Variants in ZBTB20 observed in about 807,000 individuals in gnomAD.
ZBTB20 encodes the protein zinc finger and BTB domain-containing protein 20.
A neutral mutation model predicts 56.9 loss-of-function variants in ZBTB20; 9 were observed. That is an observed-to-expected ratio of 0.16 (90% CI 0.10 to 0.28). The LOEUF is 0.28. Ranked by LOEUF, ZBTB20 falls within the 10% of genes least tolerant of loss-of-function variation. ZBTB20 has a pLI of 1.00. For missense variants in ZBTB20, 655 were observed against 1,003.0 expected, an observed-to-expected ratio of 0.65 and a Z score of 4.69; for synonymous variants, 417 against 420.7, an observed-to-expected ratio of 0.99 and a Z score of 0.11.
At chr3:114,394,760 C>G (rs1450417750) in intron 7 of ZBTB20, among the ~76,000 whole-genome samples, 1 of 152,174 alleles carries the variant, frequency 6.6e-6, no homozygotes, top group Non-Finnish European at 1.5e-5. Flanking sequence ...AGCCAAATAA[C>G]TTGGCTAACA....
At chr3:114,586,989 C>CTTTTTTTTTT in intron 6 of ZBTB20, among the ~76,000 whole-genome samples, 1 of 76,978 alleles carries the variant, frequency 1.3e-5, no homozygotes, top group Non-Finnish European at 2.4e-5. Flanking sequence ...GTATAACTCC[C>CTTTTTTTTTT]TTTTTTTTTT....
chr3:115,101,214 A>G (rs1162448124), intron 1 of ZBTB20, among the ~76,000 whole-genome samples: 1 of 152,244 alleles, frequency 6.6e-6, no homozygotes, highest in African/African-American at 2.4e-5. Context: ...TATTTCATAG[A>G]ATATGGGACT....
chr3:114,787,496 A>T (rs1170705853), intron 5 of ZBTB20, among the ~76,000 whole-genome samples: 3 of 151,412 alleles, frequency 2.0e-5, no homozygotes, highest in African/African-American at 7.3e-5. Context: ...GTATACATAT[A>T]TATCCATTTA....
intron 3 of ZBTB20, among the ~76,000 whole-genome samples, chr3:114,938,573 C>G (rs1268920116): frequency 6.9e-6 from 1 of 145,950 alleles, no homozygotes; most frequent in Non-Finnish European, 1.5e-5. Flanking sequence ...AACACAGGAA[C>G]AGAAAACCAA....
chr3:114,965,372 T>C (rs541988092), intron 3 of ZBTB20, among the ~76,000 whole-genome samples: 1 of 152,308 alleles, frequency 6.6e-6, no homozygotes, highest in Admixed American at 6.5e-5. Flanking sequence ...TTACACAATG[T>C]ACAACATATC....
intron 1 of ZBTB20, among the ~76,000 whole-genome samples, chr3:115,109,370 G>GT (rs2083810795): frequency 6.6e-6 from 1 of 152,086 alleles, no homozygotes; most frequent in Non-Finnish European, 1.5e-5. Flanking sequence ...GTTTGACCTG[G>GT]TGCGGCTATA....
chr3:114,338,856 T>C lies in ZBTB20; in HGVS notation c.*149A>G. ...CCAGCAGGCAAAAAACAGTTCTTCATGTAGTACAAAATGAAACGAAACAAA... is the reference window on the plus strand; with the variant it reads ...CCAGCAGGCAAAAAACAGTTCTTCACGTAGTACAAAATGAAACGAAACAAA... On this transcript the variant is annotated 3_prime_UTR_variant, in exon 12 of 12. Coordinates refer to ENST00000675478, the MANE Select transcript of ZBTB20 (RefSeq NM_001348800.3). 1.1e-6 allele frequency: 1 copy of C among 884,586 alleles called. No individual in the cohort carries two copies. The highest frequency in any genetic ancestry group is 1.6e-6 in the Non-Finnish European group (1 of 615,858). 54.8% of individuals were successfully genotyped at this position (884,586 alleles called of 1,614,324 possible).
chr3:114,871,468 C>T (rs959398852), intron 4 of ZBTB20, among the ~76,000 whole-genome samples: 3 of 151,992 alleles, frequency 2.0e-5, no homozygotes, highest in African/African-American at 4.8e-5. Flanking sequence ...TTTCATCTTC[C>T]CAAATGCCCT....
intron 6 of ZBTB20, among the ~76,000 whole-genome samples, chr3:114,679,870 A>C (rs1248745811): frequency 6.6e-6 from 1 of 152,210 alleles, no homozygotes; most frequent in Non-Finnish European, 1.5e-5. Flanking sequence ...ACAATGTCAA[A>C]AACTTGGAAC....
chr3:115,029,967 A>G (rs1426858777), intron 2 of ZBTB20, among the ~76,000 whole-genome samples: 1 of 151,112 alleles, frequency 6.6e-6, no homozygotes, highest in Non-Finnish European at 1.5e-5. Context: ...AAGGCAAACA[A>G]TAAATTTAGA....
intron 5 of ZBTB20, among the ~76,000 whole-genome samples, chr3:114,785,671 T>G (rs1410460945): frequency 1.3e-5 from 2 of 152,196 alleles, no homozygotes; most frequent in Admixed American, 1.3e-4. Flanking sequence ...TTTTACACAT[T>G]TAATATGTAC....
chr3:114,564,180 C>T (rs1038605040), intron 6 of ZBTB20, among the ~76,000 whole-genome samples: 6 of 152,128 alleles, frequency 3.9e-5, no homozygotes, highest in African/African-American at 1.2e-4. Flanking sequence ...ATCCTCCTGC[C>T]TGCCTCTTTC....
intron 3 of ZBTB20, among the ~76,000 whole-genome samples, chr3:114,960,651 C>T (rs992526539): frequency 2.0e-5 from 3 of 152,110 alleles, no homozygotes; most frequent in African/African-American, 7.2e-5. Context: ...AATATGGTCC[C>T]TAAACAAGAA....
intron 7 of ZBTB20, among the ~76,000 whole-genome samples, chr3:114,487,945 G>T (rs2109457653): frequency 6.6e-6 from 1 of 152,290 alleles, no homozygotes; most frequent in East Asian, 1.9e-4. Context: ...TCCTGCCCTG[G>T]AGACATGGAT....
At chr3:115,052,229 C>G (rs530779917) in intron 2 of ZBTB20, among the ~76,000 whole-genome samples, 14 of 152,020 alleles carry the variant, frequency 9.2e-5, no homozygotes, top group Admixed American at 2.6e-4. Context: ...GAGGTGGAGG[C>G]GGGCAGATCA....
chr3:114,547,594 A>G (rs2050047684), intron 6 of ZBTB20, among the ~76,000 whole-genome samples: 1 of 152,222 alleles, frequency 6.6e-6, no homozygotes, highest in Non-Finnish European at 1.5e-5. Flanking sequence ...TCAGTGGTAG[A>G]GCATCCCAAT....
chr3:114,726,697 G>T (rs897196864), intron 5 of ZBTB20, among the ~76,000 whole-genome samples: 8 of 151,958 alleles, frequency 5.3e-5, no homozygotes, highest in African/African-American at 1.9e-4. Context: ...CGGATCACGA[G>T]GTCAGGAAAT....
chr3:114,451,118 T>C (rs560468294), intron 7 of ZBTB20, among the ~76,000 whole-genome samples: 2 of 151,902 alleles, frequency 1.3e-5, no homozygotes, highest in South Asian at 4.2e-4. Flanking sequence ...CCTGCTCTAC[T>C]TTCCAAGGGT....
At chr3:114,685,042 T>C (rs1049599369) in intron 6 of ZBTB20, among the ~76,000 whole-genome samples, 1 of 152,140 alleles carries the variant, frequency 6.6e-6, no homozygotes, top group African/African-American at 2.4e-5. Flanking sequence ...TTTCTACCCC[T>C]TTTCCTTCCT....
Sources: gnomAD v4.1 joint callset for allele counts (sites outside exome capture counted in the v4.1 genomes callset) on GRCh38, gnomAD v4.1.1 for gene constraint, MANE v1.5 for transcripts, NCBI Gene and HGNC (gene_info 2026-07-23, HGNC 2026-07-21) for gene names.